ROBO2: variants seen among roughly 807,000 people sequenced by gnomAD.
ROBO2 encodes roundabout guidance receptor 2.
Under a neutral mutation model 160.8 loss-of-function variants are expected in ROBO2, and 53 were observed. That is an observed-to-expected ratio of 0.33 (90% CI 0.26 to 0.41). ROBO2 has a LOEUF of 0.41. ROBO2 is among the 10% of genes least tolerant of loss of function. ROBO2 has a pLI of 1.00. For synonymous variants in ROBO2, 664 were observed against 611.7 expected (o/e 1.09, Z -1.26); for missense variants, 1,577 against 1,722.4 (o/e 0.92, Z 1.49).
Position 76,571,399 on chromosome 3 carries a change from T to C in ROBO2, c.110-526615T>C, listed in dbSNP as rs542893625. ...TGATTAAATCACAAACAATAAAATA[T>C]AGGAAGCCATAAAATATCTTTTCAA... On this transcript the variant is annotated intron_variant, in intron 2 of 26. Coordinates refer to the ROBO2 transcript ENST00000487694. 1.8e-4 allele frequency among the ~76,000 whole-genome samples: 27 copies of C among 152,152 alleles called. 1 individual carries two copies. The highest frequency in any genetic ancestry group is 1.8e-3 in the Admixed American group (27 of 15,272).
At chr3:77,272,656 C>T (rs2059576344) in intron 2 of ROBO2, among the ~76,000 whole-genome samples, 1 of 152,056 alleles carries the variant, frequency 6.6e-6, no homozygotes, top group African/African-American at 2.4e-5. Flanking sequence ...ATGTAGGGTT[C>T]AAGTTAGTGT....
intron 2 of ROBO2, among the ~76,000 whole-genome samples, chr3:77,344,922 T>C (rs2067465127): frequency 1.3e-5 from 2 of 152,112 alleles, no homozygotes; most frequent in African/African-American, 4.8e-5. Flanking sequence ...AAGAACATTA[T>C]GATAAATAAT....
chr3:77,158,991 G>C (rs1001187976), intron 2 of ROBO2, among the ~76,000 whole-genome samples: 4 of 152,074 alleles, frequency 2.6e-5, no homozygotes, highest in African/African-American at 9.7e-5. Flanking sequence ...TTAAGGGCCA[G>C]CTGACAGAGA....
At chr3:77,602,401 C>G in exon 20 of ROBO2, 1 of 1,614,064 alleles carries the variant, frequency 6.2e-7, no homozygotes, top group Non-Finnish European at 8.5e-7. Context: ...TGTCGATCTG[C>G]CTGATCCACA....
chr3:76,919,871 T>C (rs1039380738), intron 2 of ROBO2, among the ~76,000 whole-genome samples: 2 of 152,182 alleles, frequency 1.3e-5, no homozygotes, highest in Non-Finnish European at 2.9e-5. Context: ...TTTGTAATAA[T>C]TTACTGACAA....
intron 2 of ROBO2, among the ~76,000 whole-genome samples, chr3:76,139,479 T>C (rs2071550994): frequency 6.6e-6 from 1 of 152,142 alleles, no homozygotes; most frequent in Non-Finnish European, 1.5e-5. Context: ...GGGAGGACTG[T>C]TTTCCACATT....
chr3:77,133,107 C>A (rs570406674), intron 2 of ROBO2, among the ~76,000 whole-genome samples: 1 of 152,198 alleles, frequency 6.6e-6, no homozygotes, highest in East Asian at 1.9e-4. Context: ...ATTTATATAG[C>A]AAAATGCATC....
intron 6 of ROBO2, among the ~76,000 whole-genome samples, chr3:77,545,470 T>C (rs1259527488): frequency 1.3e-5 from 2 of 152,098 alleles, no homozygotes; most frequent in East Asian, 3.9e-4. Flanking sequence ...TTGTGTTTCG[T>C]ATATATACAA....
intron 2 of ROBO2, among the ~76,000 whole-genome samples, chr3:76,845,160 T>C (rs2068659028): frequency 6.6e-6 from 1 of 151,962 alleles, no homozygotes; most frequent in Admixed American, 6.6e-5. Flanking sequence ...AGGATAACTT[T>C]TATAAAGCAA....
intron 2 of ROBO2, among the ~76,000 whole-genome samples, chr3:76,880,543 G>C (rs1316445143): frequency 2.0e-5 from 3 of 152,084 alleles, no homozygotes. Context: ...TTTATAACTA[G>C]TTCATTAGAC....
intron 23 of ROBO2, among the ~76,000 whole-genome samples, chr3:77,626,104 A>G (rs1478127283): frequency 6.6e-6 from 1 of 152,164 alleles, no homozygotes; most frequent in African/African-American, 2.4e-5. Flanking sequence ...AGGAATAGGT[A>G]TATTTAAGAG....
chr3:76,762,778 A>C (rs565424958), intron 2 of ROBO2, among the ~76,000 whole-genome samples: 8 of 151,816 alleles, frequency 5.3e-5, no homozygotes, highest in African/African-American at 1.9e-4. Flanking sequence ...ACAGTGCCTA[A>C]ATGGGCAAGT....
At chr3:76,163,270 A>G (rs2072706418) in intron 2 of ROBO2, among the ~76,000 whole-genome samples, 1 of 151,896 alleles carries the variant, frequency 6.6e-6, no homozygotes, top group Non-Finnish European at 1.5e-5. Flanking sequence ...CAATCAATAT[A>G]ATACTAACTA....
At chr3:77,365,884 A>G (rs954797560) in intron 2 of ROBO2, among the ~76,000 whole-genome samples, 1 of 152,208 alleles carries the variant, frequency 6.6e-6, no homozygotes. Flanking sequence ...GAAGAGGAGA[A>G]AAATGTATTG....
At chr3:76,333,323 T>C (rs2073631981) in intron 2 of ROBO2, among the ~76,000 whole-genome samples, 1 of 152,218 alleles carries the variant, frequency 6.6e-6, no homozygotes, top group Non-Finnish European at 1.5e-5. Context: ...CAGTGATTCT[T>C]GACTCTCTTT....
intron 2 of ROBO2, among the ~76,000 whole-genome samples, chr3:75,999,970 A>G (rs2107556353): frequency 6.6e-6 from 1 of 152,348 alleles, no homozygotes; most frequent in Non-Finnish European, 1.5e-5. Context: ...TCAATTCTTT[A>G]ATAAAAGAAA....
intron 2 of ROBO2, among the ~76,000 whole-genome samples, chr3:77,393,606 T>C (rs898872868): frequency 6.7e-6 from 1 of 149,052 alleles, no homozygotes; most frequent in African/African-American, 2.4e-5. Flanking sequence ...AATATATTTA[T>C]ACTGAACATC....
chr3:76,843,502 C>T (rs1301919666), intron 2 of ROBO2, among the ~76,000 whole-genome samples: 1 of 151,954 alleles, frequency 6.6e-6, no homozygotes, highest in Non-Finnish European at 1.5e-5. Context: ...TCTTTACCTA[C>T]TTATAGAAGA....
intron 2 of ROBO2, among the ~76,000 whole-genome samples, chr3:76,234,675 C>CA (rs901636730): frequency 6.6e-6 from 1 of 151,928 alleles, no homozygotes; most frequent in African/African-American, 2.4e-5. Context: ...TGTTTTTAAA[C>CA]AAAAAAATAC....
Sources: gnomAD v4.1 joint callset for allele counts (sites outside exome capture counted in the v4.1 genomes callset) on GRCh38, gnomAD v4.1.1 for gene constraint, MANE v1.5 for transcripts, NCBI Gene and HGNC (gene_info 2026-07-23, HGNC 2026-07-21) for gene names.